ANAPC13: variants seen among roughly 807,000 people sequenced by gnomAD.
The protein encoded by ANAPC13 is anaphase-promoting complex subunit 13.
Under a neutral mutation model 9.6 loss-of-function variants are expected in ANAPC13, and 9 were observed. The ratio of observed to expected loss-of-function variants is 0.94; its 90% CI spans 0.57 to 1.64. The LOEUF (loss-of-function observed/expected upper bound fraction) is 1.64. ANAPC13 is among the 40% of genes most tolerant of loss of function. The pLI, the probability that ANAPC13 is intolerant of heterozygous loss-of-function variation, is 0.00. For synonymous variants in ANAPC13, 30 were observed against 29.7 expected (o/e 1.01, Z -0.03); for missense variants, 75 against 85.3 (o/e 0.88, Z 0.48).
At chr3:134,484,647 G>T (rs1934922902) in intron 1 of ANAPC13, among the ~76,000 whole-genome samples, 1 of 152,160 alleles carries the variant, frequency 6.6e-6, no homozygotes, top group Non-Finnish European at 1.5e-5. Context: ...AAAGCAAGAC[G>T]AAGTTTTGGT....
At chr3:134,483,109 A>C (rs1934775926) in intron 1 of ANAPC13, 178 bp from the exon 2 acceptor site, 1 of 597,444 alleles carries the variant, frequency 1.7e-6, no homozygotes, top group South Asian at 2.0e-5. Flanking sequence ...ACTGATACAT[A>C]TTTTATAGTG....
chr3:134,481,497 C>A (rs910868660), intron 2 of ANAPC13, among the ~76,000 whole-genome samples: 1 of 152,198 alleles, frequency 6.6e-6, no homozygotes, highest in East Asian at 1.9e-4. Flanking sequence ...CTCTCAGAAG[C>A]CTTTCTGATG....
At chr3:134,485,306 CT>C (rs376030212) in intron 1 of ANAPC13, 53 of 152,402 alleles carry the variant, frequency 3.5e-4, no homozygotes, top group African/African-American at 1.2e-3. Context: ...CCTGAACAAA[CT>C]TTTCTTACTC....
chr3:134,483,299 T>A (rs1934781658), intron 1 of ANAPC13: 1 of 176,732 alleles, frequency 5.7e-6, no homozygotes, highest in Non-Finnish European at 1.2e-5. Context: ...TGATTCATAA[T>A]GGCCAGCTAA....
chr3:134,482,153 C>T (rs544638649), intron 2 of ANAPC13, among the ~76,000 whole-genome samples: 14 of 152,172 alleles, frequency 9.2e-5, no homozygotes, highest in Non-Finnish European at 1.9e-4. Flanking sequence ...AGCTGGCATG[C>T]TTTAAAGAAA....
In ANAPC13 at chr3:134,478,687, T is replaced by C; in HGVS notation, c.128A>G (p.Asn43Ser). 2 of 1,614,198 alleles carry C rather than the reference T, an allele frequency of 1.2e-6. No homozygotes were observed. Among genetic ancestry groups the C allele is most frequent in the Non-Finnish European group, 8.5e-7 (1 of 1,180,018 alleles). ...TTTGACAGATTCTGTGGTGCCACCATTGTCTTGTTCAGGTTCAGGAAGCTC... is the reference window on the plus strand; with the variant it reads ...TTTGACAGATTCTGTGGTGCCACCACTGTCTTGTTCAGGTTCAGGAAGCTC... ...LNELPEPEQD[N>S]GGTTESVKEQ... The change falls in exon 3 of 3, where the codon AAT becomes AGT. Residue 43 changes from asparagine to serine, a missense_variant. Transcript: ENST00000354910.
At chr3:134,480,150 T>C (rs1035260027) in intron 2 of ANAPC13, among the ~76,000 whole-genome samples, 6 of 152,252 alleles carry the variant, frequency 3.9e-5, no homozygotes, top group Non-Finnish European at 1.5e-5. Flanking sequence ...TCATTTATTG[T>C]AACGCAATAA....
At chr3:134,479,166 C>G (rs4498009) in intron 2 of ANAPC13, among the ~76,000 whole-genome samples, 104,168 of 152,116 alleles carry the variant, frequency 0.68, 35,932 homozygotes, top group East Asian at 0.82. Flanking sequence ...GCTGAGCACT[C>G]TGTGGGGTAT....
At chr3:134,482,472 T>C (rs1057463956) in intron 2 of ANAPC13, among the ~76,000 whole-genome samples, 5 of 152,232 alleles carry the variant, frequency 3.3e-5, no homozygotes, top group African/African-American at 9.6e-5. Context: ...ACAGAGCTCA[T>C]ATGCTGCTGC....
At chr3:134,484,115 C>G (rs1051722289) in intron 1 of ANAPC13, among the ~76,000 whole-genome samples, 1 of 152,206 alleles carries the variant, frequency 6.6e-6, no homozygotes, top group Non-Finnish European at 1.5e-5. Context: ...GGCGCGGTGG[C>G]TCGCGCCTGT....
At chr3:134,481,425 A>G (rs1223854412) in intron 2 of ANAPC13, among the ~76,000 whole-genome samples, 3 of 152,090 alleles carry the variant, frequency 2.0e-5, no homozygotes, top group African/African-American at 7.2e-5. Flanking sequence ...CTGCTGCAAT[A>G]CCCTTGTCTA....
chr3:134,479,518 T>A (rs1457198595), intron 2 of ANAPC13, among the ~76,000 whole-genome samples: 5 of 152,130 alleles, frequency 3.3e-5, no homozygotes, highest in Admixed American at 1.3e-4. Context: ...TGTATTTTTT[T>A]ATTTTTTTTT....
intron 1 of ANAPC13, among the ~76,000 whole-genome samples, chr3:134,484,916 AT>A (rs1347940264): frequency 1.3e-5 from 2 of 152,188 alleles, no homozygotes; most frequent in East Asian, 3.9e-4. Flanking sequence ...TTTGTGGTCA[AT>A]TGCTCAGGTA....
intron 1 of ANAPC13, among the ~76,000 whole-genome samples, chr3:134,484,842 G>C (rs1277304475): frequency 6.6e-6 from 1 of 152,142 alleles, no homozygotes; most frequent in Non-Finnish European, 1.5e-5. Context: ...AGCTTCAGTA[G>C]GCCTTCTATC....
In ANAPC13 at chr3:134,478,286, G is replaced by C. The variant is rs150525719; in HGVS notation, c.*304C>G. 6 of 297,478 alleles carry C rather than the reference G, an allele frequency of 2.0e-5. No homozygotes were observed. Among genetic ancestry groups the C allele is most frequent in the Admixed American group, 5.0e-5 (1 of 20,132 alleles). The allele number at this position is 297,478 out of a possible 1,614,324, so 18.4% of individuals were successfully genotyped here. On this transcript the variant is annotated 3_prime_UTR_variant, in exon 3 of 3. Transcript: ENST00000354910. ...CTGTGTTACAGGACACACATAAGTAGTTGGAAGGTGTTAAACTTTGACAGC... is the reference window on the plus strand; with the variant it reads ...CTGTGTTACAGGACACACATAAGTACTTGGAAGGTGTTAAACTTTGACAGC...
intron 2 of ANAPC13, among the ~76,000 whole-genome samples, chr3:134,480,977 C>T (rs1194495003): frequency 6.6e-6 from 1 of 152,236 alleles, no homozygotes; most frequent in Non-Finnish European, 1.5e-5. Context: ...AAGCCAACTT[C>T]GCCTGGAAGT....
chr3:134,482,619 T>G, intron 2 of ANAPC13, 187 bp downstream of exon 2: 1 of 607,024 alleles, frequency 1.6e-6, no homozygotes, highest in East Asian at 2.8e-5. Flanking sequence ...CCATGTTAGC[T>G]CCCTGAACCA....
upstream of ANAPC13, chr3:134,485,991 G>GGGCCCC: frequency 2.1e-6 from 2 of 938,162 alleles, no homozygotes; most frequent in Non-Finnish European, 2.5e-6. Flanking sequence ...CTCCTGCCAC[G>GGGCCCC]CCCCCCCCCC....
chr3:134,479,508 T>C (rs542269799), intron 2 of ANAPC13, among the ~76,000 whole-genome samples: 138 of 152,114 alleles, frequency 9.1e-4, no homozygotes, highest in Non-Finnish European at 1.4e-3. Flanking sequence ...CGGCTAATTT[T>C]GTATTTTTTT....
Sources: gnomAD v4.1 joint callset for allele counts (sites outside exome capture counted in the v4.1 genomes callset) on GRCh38, gnomAD v4.1.1 for gene constraint, MANE v1.5 for transcripts, NCBI Gene and HGNC (gene_info 2026-07-23, HGNC 2026-07-21) for gene names.